Variants in ANK3 observed in about 807,000 individuals in gnomAD.
ANK3 encodes ankyrin 3, also known as ankyrin-3.
Under a neutral mutation model 370.9 loss-of-function variants are expected in ANK3, and 57 were observed. The observed-to-expected ratio is 0.15, with a 90% CI of 0.12 to 0.19. ANK3 has a LOEUF of 0.19. ANK3 is among the 10% of genes least tolerant of loss of function. The probability of loss-of-function intolerance (pLI) is 1.00; values close to 1 mark genes in which losing one functional copy is unlikely to be tolerated. For synonymous variants in ANK3, 1,929 were observed against 1,946.3 expected (o/e 0.99, Z 0.23); for missense variants, 4,439 against 5,302.1 (o/e 0.84, Z 5.06).
intron 42 of ANK3, 120 bp from the exon 43 acceptor site, chr10:60,042,879 C>G: frequency 6.6e-7 from 1 of 1,523,486 alleles, no homozygotes; most frequent in Non-Finnish European, 8.8e-7. Context: ...CATTTTGTCA[C>G]TTCATGTCCA....
At chr10:60,364,616 A>G (rs1022232821) in intron 1 of ANK3, among the ~76,000 whole-genome samples, 13 of 152,154 alleles carry the variant, frequency 8.5e-5, no homozygotes, top group African/African-American at 2.9e-4. Context: ...TGGGTGCATC[A>G]AACTCCATGG....
intron 2 of ANK3, among the ~76,000 whole-genome samples, chr10:60,532,248 G>A (rs2076621959): frequency 6.6e-6 from 1 of 152,154 alleles, no homozygotes; most frequent in African/African-American, 2.4e-5. Flanking sequence ...TCTGTTGAAT[G>A]TATGTGTGGC....
chr10:60,671,314 C>T (rs2079061980), intron 1 of ANK3, among the ~76,000 whole-genome samples: 1 of 152,130 alleles, frequency 6.6e-6, no homozygotes, highest in South Asian at 2.1e-4. Flanking sequence ...CGGCCAAGTG[C>T]TTTCCTTTCT....
intron 8 of ANK3, among the ~76,000 whole-genome samples, chr10:60,232,687 A>G (rs944692416): frequency 1.3e-5 from 2 of 152,148 alleles, no homozygotes; most frequent in African/African-American, 4.8e-5. Context: ...GTAATCAAGA[A>G]AAAGAAGTCT....
chr10:60,479,677 T>C (rs775562072), intron 2 of ANK3, among the ~76,000 whole-genome samples: 3 of 151,052 alleles, frequency 2.0e-5, no homozygotes, highest in Non-Finnish European at 4.4e-5. Context: ...CACCGAGAAG[T>C]GGAGACACTC....
intron 42 of ANK3, 114 bp from the exon 43 acceptor site, chr10:60,042,873 T>C: frequency 1.3e-6 from 2 of 1,538,064 alleles, no homozygotes; most frequent in Non-Finnish European, 1.7e-6. Context: ...TTAAAGCATT[T>C]TGTCACTTCA....
chr10:60,266,718 C>T (rs1489749628), intron 5 of ANK3, among the ~76,000 whole-genome samples: 1 of 152,160 alleles, frequency 6.6e-6, no homozygotes, highest in East Asian at 1.9e-4. Context: ...GTGTTAATAG[C>T]TAAAATTAGC....
intron 2 of ANK3, 80 bp from the exon 3 acceptor site, chr10:60,279,228 A>G (rs1480318038): frequency 2.5e-6 from 3 of 1,223,654 alleles, no homozygotes; most frequent in Admixed American, 3.4e-5. Flanking sequence ...CTCCTGAGAT[A>G]TTATAAAGTC....
At position 60,332,437 on chromosome 10, in the gene ANK3, C is replaced by T. The variant is rs189385525; in HGVS notation, c.115-52798G>A. Among the ~76,000 whole-genome samples, 229 of 152,244 alleles carry T rather than the reference C, an allele frequency of 1.5e-3. 2 individuals carry two copies. The highest frequency in any genetic ancestry group is 0.014 in the Middle Eastern group (4 of 294). On this transcript the variant is annotated intron_variant, in intron 1 of 43. Coordinates refer to ENST00000280772, the MANE Select transcript of ANK3 (RefSeq NM_020987.5). Reference sequence around the variant, plus strand: ...AGGGCTGAGTATGTAGGTGTTGGCGCCACTGTTCTGATGTTAGCACCCAGC... The same window carrying T: ...AGGGCTGAGTATGTAGGTGTTGGCGTCACTGTTCTGATGTTAGCACCCAGC...
chr10:60,471,586 A>G (rs987326444), intron 2 of ANK3, among the ~76,000 whole-genome samples: 2 of 152,152 alleles, frequency 1.3e-5, no homozygotes, highest in Non-Finnish European at 2.9e-5. Context: ...TTTTATGAGG[A>G]TATCTACTGG....
At chr10:60,327,862 T>C (rs2050266926) in intron 1 of ANK3, among the ~76,000 whole-genome samples, 1 of 152,196 alleles carries the variant, frequency 6.6e-6, no homozygotes, top group African/African-American at 2.4e-5. Context: ...GTTAAAGCAC[T>C]CTTCAGGCAA....
At position 60,620,548 on chromosome 10, in the gene ANK3, T is replaced by C. The variant is rs116555661; in HGVS notation, c.58-5324A>G. Among the ~76,000 whole-genome samples, 178 of 152,286 alleles carry C rather than the reference T, an allele frequency of 1.2e-3. 1 individual carries two copies. Among genetic ancestry groups the C allele is most frequent in the African/African-American group, 3.9e-3 (161 of 41,558 alleles). Reference sequence around the variant, plus strand: ...AACAGAGCCTATATCTGAACCCAGGTTGAGGGACTCCAGAGTCCAGACAGT... The same window carrying C: ...AACAGAGCCTATATCTGAACCCAGGCTGAGGGACTCCAGAGTCCAGACAGT... On this transcript the variant is annotated intron_variant, in intron 1 of 43. Transcript: ENST00000373827.
chr10:60,081,447 G>C (rs932635851), intron 35 of ANK3: 1 of 414,222 alleles, frequency 2.4e-6, no homozygotes, highest in East Asian at 7.1e-5. Context: ...TATTACTATT[G>C]ATGTGTGGGA....
At chr10:60,289,261 TG>T (rs2040766270) in intron 1 of ANK3, among the ~76,000 whole-genome samples, 1 of 138,162 alleles carries the variant, frequency 7.2e-6, no homozygotes, top group Admixed American at 7.5e-5. Flanking sequence ...ATCTATGCCC[TG>T]CCTTTTTTTT....
intron 42 of ANK3, among the ~76,000 whole-genome samples, chr10:60,052,919 T>C (rs1036782635): frequency 1.3e-5 from 2 of 152,110 alleles, no homozygotes; most frequent in Non-Finnish European, 2.9e-5. Flanking sequence ...GATAATAAAC[T>C]AGGCCATCTT....
At chr10:60,236,800 T>C (rs1392988631) in intron 7 of ANK3, among the ~76,000 whole-genome samples, 8 of 152,320 alleles carry the variant, frequency 5.3e-5, no homozygotes, top group African/African-American at 1.9e-4. Context: ...ATATTGCTGT[T>C]ACCCAGGGTA....
intron 2 of ANK3, among the ~76,000 whole-genome samples, chr10:60,559,888 C>A (rs1449615506): frequency 6.6e-6 from 1 of 152,008 alleles, no homozygotes; most frequent in Non-Finnish European, 1.5e-5. Context: ...ACTAAATATA[C>A]AAAAATTAGC....
intron 2 of ANK3, among the ~76,000 whole-genome samples, chr10:60,477,550 C>CAA (rs1320628458): frequency 3.3e-5 from 5 of 150,566 alleles, no homozygotes; most frequent in South Asian, 2.1e-4. Flanking sequence ...CACACACACA[C>CAA]ACACACACAC....
intron 1 of ANK3, among the ~76,000 whole-genome samples, chr10:60,302,982 GT>G (rs1220249098): frequency 1.3e-5 from 2 of 152,172 alleles, no homozygotes; most frequent in Non-Finnish European, 2.9e-5. Context: ...TCAGTAAATG[GT>G]GCTGGGAAAC....
Sources: allele counts gnomAD v4.1 joint callset (sites outside exome capture counted in the v4.1 genomes callset), GRCh38; gene constraint gnomAD v4.1.1; transcripts MANE v1.5; gene names NCBI Gene and HGNC (gene_info 2026-07-23, HGNC 2026-07-21).